Variants in CCDC192 observed in about 807,000 individuals in gnomAD.
The protein encoded by CCDC192 is coiled-coil domain containing 192.
At chr5:127,790,943 C>T (rs1322369376) in intron 3 of CCDC192, among the ~76,000 whole-genome samples, 1 of 152,040 alleles carries the variant, frequency 6.6e-6, no homozygotes, top group Non-Finnish European at 1.5e-5. Flanking sequence ...TATTTGCTTA[C>T]AAAAAAGAAA....
chr5:127,792,143 C>T (rs1561490859), intron 3 of CCDC192, among the ~76,000 whole-genome samples: 2 of 152,128 alleles, frequency 1.3e-5, no homozygotes. Flanking sequence ...GAGATTCTGT[C>T]TGTATTAGTC....
intron 5 of CCDC192, among the ~76,000 whole-genome samples, chr5:127,864,016 C>T (rs981023137): frequency 1.3e-5 from 2 of 152,202 alleles, no homozygotes; most frequent in African/African-American, 4.8e-5. Flanking sequence ...AAATCAGAGT[C>T]AATCCAGGGT....
intron 6 of CCDC192, among the ~76,000 whole-genome samples, chr5:127,928,370 C>T (rs533672496): frequency 6.6e-6 from 1 of 152,324 alleles, no homozygotes; most frequent in Admixed American, 6.5e-5. Context: ...AGGCCACTTA[C>T]ATTCCTTGGC....
intron 3 of CCDC192, among the ~76,000 whole-genome samples, chr5:127,771,518 G>T (rs73345039): frequency 6.6e-6 from 1 of 152,192 alleles, no homozygotes; most frequent in Non-Finnish European, 1.5e-5. Flanking sequence ...TCTATGTCAT[G>T]TTTATATGCT....
chr5:127,936,795 G>C lies in CCDC192; in HGVS notation c.536-4387G>C, dbSNP rs146821625. 9.9e-3 allele frequency among the ~76,000 whole-genome samples: 1,510 copies of C among 152,312 alleles called. 89 individuals are homozygous for C. The highest frequency in any genetic ancestry group is 0.08 in the Admixed American group (1,226 of 15,298). ...TCTGGTCAGATAACAGCACCTCCAG[G>C]CTTCCGGGAGACCCGCCTTGGCAAG... On this transcript the variant is annotated intron_variant, in intron 6 of 6. Coordinates refer to ENST00000514853, the MANE Select transcript of CCDC192 (RefSeq NM_001317938.2).
intron 2 of CCDC192, among the ~76,000 whole-genome samples, chr5:127,749,764 G>A (rs1754020013): frequency 6.6e-6 from 1 of 152,158 alleles, no homozygotes; most frequent in South Asian, 2.1e-4. Context: ...TGGTTGGTAA[G>A]CTATTGATTA....
chr5:127,738,166 A>G (rs1487856391), intron 2 of CCDC192, among the ~76,000 whole-genome samples: 1 of 151,312 alleles, frequency 6.6e-6, no homozygotes, highest in Non-Finnish European at 1.5e-5. Flanking sequence ...TCTGTAAAGT[A>G]TTTTATTTCT....
intron 3 of CCDC192, among the ~76,000 whole-genome samples, chr5:127,784,036 G>T (rs1756394769): frequency 6.6e-6 from 1 of 152,106 alleles, no homozygotes; most frequent in African/African-American, 2.4e-5. Context: ...TTATGTGTTA[G>T]GAGAGTCTCT....
intron 6 of CCDC192, among the ~76,000 whole-genome samples, chr5:127,919,069 A>ATGTG (rs1436130943): frequency 2.3e-5 from 3 of 131,332 alleles, no homozygotes; most frequent in African/African-American, 1.0e-4. Flanking sequence ...GTGTGTGTGT[A>ATGTG]TATATGTGTG....
chr5:127,880,709 G>T lies in CCDC192; in HGVS notation c.535+5048G>T, dbSNP rs528748239. 3.3e-5 allele frequency among the ~76,000 whole-genome samples: 5 copies of T among 152,246 alleles called. No individual in the cohort carries two copies. The South Asian group carries it at 1.0e-3, about 32-fold the overall frequency. On this transcript the variant is annotated intron_variant, in intron 6 of 6. Coordinates refer to ENST00000514853, the MANE Select transcript of CCDC192 (RefSeq NM_001317938.2). ...TAAAATATAGTATAGGCCAGGCACG[G>T]TGGCTCACACCTGTAATCCCAGCAC...
intron 2 of CCDC192, among the ~76,000 whole-genome samples, chr5:127,719,450 T>C (rs1380426253): frequency 9.1e-6 from 1 of 110,448 alleles, no homozygotes; most frequent in African/African-American, 3.5e-5. Context: ...TACATATATA[T>C]ACATACATAT....
intron 3 of CCDC192, among the ~76,000 whole-genome samples, chr5:127,771,650 G>A (rs1291159948): frequency 6.6e-6 from 1 of 152,208 alleles, no homozygotes; most frequent in African/African-American, 2.4e-5. Flanking sequence ...AAAGCCAAGT[G>A]CAGTGGCTGG....
intron 2 of CCDC192, among the ~76,000 whole-genome samples, chr5:127,714,972 G>T (rs932144267): frequency 1.5e-4 from 23 of 149,926 alleles, no homozygotes; most frequent in African/African-American, 5.4e-4. Flanking sequence ...AAATTATTAG[G>T]TTTTTTTTTT....
intron 3 of CCDC192, among the ~76,000 whole-genome samples, chr5:127,760,045 A>G (rs766873461): frequency 4.6e-5 from 7 of 152,186 alleles, no homozygotes; most frequent in South Asian, 2.1e-4. Flanking sequence ...TTCATTTCAT[A>G]TATCTTCTGG....
At chr5:127,896,709 G>C (rs777189265) in intron 6 of CCDC192, among the ~76,000 whole-genome samples, 2 of 152,186 alleles carry the variant, frequency 1.3e-5, no homozygotes, top group Non-Finnish European at 2.9e-5. Context: ...GCCTCCCTAA[G>C]TGTTGGGATT....
At chr5:127,815,176 A>G (rs567978851) in intron 5 of CCDC192, among the ~76,000 whole-genome samples, 24 of 152,298 alleles carry the variant, frequency 1.6e-4, no homozygotes, top group Non-Finnish European at 3.2e-4. Flanking sequence ...TGGTGTATTA[A>G]TAGACTGTGT....
At chr5:127,818,343 A>T (rs1749124608) in intron 5 of CCDC192, among the ~76,000 whole-genome samples, 2 of 152,302 alleles carry the variant, frequency 1.3e-5, no homozygotes, top group Admixed American at 1.3e-4. Context: ...AGAGGTTTTC[A>T]ACCTTGGCCA....
intron 2 of CCDC192, among the ~76,000 whole-genome samples, chr5:127,721,594 G>A (rs987462339): frequency 6.6e-6 from 1 of 152,126 alleles, no homozygotes; most frequent in African/African-American, 2.4e-5. Context: ...TCCCAAAGCT[G>A]CTTCCACATT....
intron 3 of CCDC192, among the ~76,000 whole-genome samples, chr5:127,766,608 TAA>T (rs548715145): frequency 0.41 from 40,598 of 98,242 alleles, 8,482 homozygotes; most frequent in Middle Eastern, 0.5. Context: ...ACGTCCTGTG[TAA>T]AAAAAAAAAA....
Sources: gnomAD v4.1 joint callset for allele counts (sites outside exome capture counted in the v4.1 genomes callset) on GRCh38, gnomAD v4.1.1 for gene constraint, MANE v1.5 for transcripts, NCBI Gene and HGNC (gene_info 2026-07-23, HGNC 2026-07-21) for gene names.